MARK2: variants seen among roughly 807,000 people sequenced by gnomAD.
The protein encoded by MARK2 is serine/threonine-protein kinase MARK2.
Under a neutral mutation model 89.8 loss-of-function variants are expected in MARK2, and 16 were observed. The observed-to-expected ratio is 0.18, with a 90% CI of 0.12 to 0.27. The LOEUF is 0.27. MARK2 is among the 10% of genes least tolerant of loss of function. The pLI is 1.00. For missense variants in MARK2, 621 were observed against 1,049.9 expected (o/e 0.59, Z 5.65); for synonymous variants, 382 against 399.5 (o/e 0.96, Z 0.52).
Position 63,903,939 on chromosome 11 carries a change from C to T in MARK2, c.1515-47C>T. 1.3e-6 allele frequency: 2 copies of T among 1,522,886 alleles called. No homozygotes were observed. 94.3% of individuals were successfully genotyped at this position (1,522,886 alleles called of 1,614,324 possible). ...TTGCTTCCTAATCCAGGCCTCCCGCCCTCACTCACCCCTAACACGGGCCTC... is the reference window on the plus strand; with the variant it reads ...TTGCTTCCTAATCCAGGCCTCCCGCTCTCACTCACCCCTAACACGGGCCTC... On this transcript the variant is annotated intron_variant, in intron 14 of 18. Transcript: ENST00000402010. This position sits in a 1 kb window ranked among gnomAD's most constrained non-coding sequence, Gnocchi z 5.1.
At chr11:63,868,945 C>T (rs1193250716) in intron 1 of MARK2, 1 of 450,294 alleles carries the variant, frequency 2.2e-6, no homozygotes, top group Admixed American at 2.4e-5. Context: ...CATCTCAGAG[C>T]AGATCAGTCG....
rs1048775317 is a variant in MARK2, at chr11:63,910,051, TAGA to T, written c.*817_*819del. On this transcript the variant is annotated 3_prime_UTR_variant, in exon 19 of 19. Coordinates refer to ENST00000402010, the MANE Select transcript of MARK2 (RefSeq NM_001039469.3). Reference sequence around the variant, plus strand: ...GCCATCTTCTCCCACCCCTCCCGGGTAGAAGGAGGGGCTGACCCCAGGGCTGGG... The same window carrying T: ...GCCATCTTCTCCCACCCCTCCCGGGTAGGAGGGGCTGACCCCAGGGCTGGG... 1.3e-5 allele frequency: 2 copies of T among 152,006 alleles called. No homozygotes were observed. Among genetic ancestry groups the T allele is most frequent in the African/African-American group, 4.8e-5 (2 of 41,306 alleles). 9.4% of individuals were successfully genotyped at this position (152,006 alleles called of 1,614,324 possible).
intron 1 of MARK2, among the ~76,000 whole-genome samples, chr11:63,878,669 C>T (rs1448895446): frequency 1.3e-5 from 2 of 151,994 alleles, no homozygotes; most frequent in Non-Finnish European, 2.9e-5. Context: ...GCACCTGGCT[C>T]AAGTCTTCTT....
chr11:63,905,101 G>A (rs576828099), intron 16 of MARK2, 58 bp downstream of exon 16: 4 of 1,546,648 alleles, frequency 2.6e-6, no homozygotes, highest in South Asian at 2.4e-5. Context: ...TGCTTTACTC[G>A]GGGTGGGTTG....
intron 1 of MARK2, among the ~76,000 whole-genome samples, chr11:63,841,865 T>C (rs2016037052): frequency 6.6e-6 from 1 of 152,236 alleles, no homozygotes; most frequent in Admixed American, 6.5e-5. Context: ...CTTTCTTCCT[T>C]ACATGCCTAG....
At chr11:63,840,757 C>G (rs1479245587) in intron 1 of MARK2, among the ~76,000 whole-genome samples, 1 of 152,172 alleles carries the variant, frequency 6.6e-6, no homozygotes, top group Non-Finnish European at 1.5e-5. Context: ...CATTCTGTTC[C>G]TATTGGCTAA....
chr11:63,889,323 A>G (rs1042530538), intron 1 of MARK2, among the ~76,000 whole-genome samples: 1 of 152,164 alleles, frequency 6.6e-6, no homozygotes, highest in African/African-American at 2.4e-5. Flanking sequence ...CCCCAACTCT[A>G]TAGTGCCTGG....
chr11:63,890,733 T>C (rs1205710162), intron 1 of MARK2, among the ~76,000 whole-genome samples: 2 of 152,274 alleles, frequency 1.3e-5, no homozygotes, highest in Non-Finnish European at 2.9e-5. Flanking sequence ...GACTTCTGGA[T>C]TGGCAGACAG....
Position 63,894,730 on chromosome 11 carries a change from G to A in MARK2, c.55-429G>A, listed in dbSNP as rs1287663758. Among the ~76,000 whole-genome samples the A allele has an allele frequency of 1.1e-3, 160 of 152,282 alleles. 1 individual carries two copies. The highest frequency in any genetic ancestry group is 8.8e-5 in the Non-Finnish European group (6 of 68,008). ...AAATAAATAAAAAATAAAGGTTCAT[G>A]TAAGTTTTGGGTGGCGATGAGGGCG... On this transcript the variant is annotated intron_variant, in intron 1 of 18. Coordinates refer to ENST00000402010, the MANE Select transcript of MARK2 (RefSeq NM_001039469.3).
At chr11:63,878,220 G>T (rs914742995) in intron 1 of MARK2, among the ~76,000 whole-genome samples, 3 of 152,052 alleles carry the variant, frequency 2.0e-5, no homozygotes, top group African/African-American at 4.8e-5. Flanking sequence ...CTCTTCTTTT[G>T]TGTAAGGCAG....
intron 3 of MARK2, among the ~76,000 whole-genome samples, chr11:63,897,040 T>G (rs1023642293): frequency 3.3e-5 from 5 of 152,244 alleles, no homozygotes; most frequent in African/African-American, 1.2e-4. Context: ...GCCAGTCTGA[T>G]TCTGGCCAAA....
At chr11:63,843,965 G>A (rs1478914155) in intron 1 of MARK2, among the ~76,000 whole-genome samples, 1 of 152,250 alleles carries the variant, frequency 6.6e-6, no homozygotes, top group South Asian at 2.1e-4. Flanking sequence ...GCAGCAGTGT[G>A]CCCTGGTGCT....
chr11:63,879,945 G>A (rs1043142942), intron 1 of MARK2, among the ~76,000 whole-genome samples: 4 of 152,136 alleles, frequency 2.6e-5, no homozygotes, highest in Non-Finnish European at 4.4e-5. Context: ...CATATGTCTT[G>A]TTCTGCACTT....
chr11:63,866,855 A>T (rs1164639460), intron 1 of MARK2, among the ~76,000 whole-genome samples: 1 of 151,936 alleles, frequency 6.6e-6, no homozygotes, highest in African/African-American at 2.4e-5. Flanking sequence ...CTTAATCTTT[A>T]CCCCCCAGGC....
intron 1 of MARK2, among the ~76,000 whole-genome samples, chr11:63,872,887 GCCCCCACCCCCA>G (rs1369661730): frequency 3.0e-4 from 20 of 66,874 alleles, no homozygotes; most frequent in African/African-American, 1.0e-3. Context: ...ACTTCTCCCT[GCCCCCACCCCCA>G]CCCCCACCCC....
chr11:63,854,301 G>A (rs1231060452), intron 1 of MARK2, among the ~76,000 whole-genome samples: 1 of 150,660 alleles, frequency 6.6e-6, no homozygotes, highest in Non-Finnish European at 1.5e-5. Flanking sequence ...CCGGGTTCAA[G>A]TGATTTTCTC....
intron 1 of MARK2, among the ~76,000 whole-genome samples, chr11:63,860,440 T>C (rs1937687556): frequency 6.7e-6 from 1 of 150,064 alleles, no homozygotes; most frequent in Admixed American, 6.7e-5. Flanking sequence ...TAGTCCCAGC[T>C]ACTTGGGAGG....
In MARK2 at chr11:63,910,661, T is replaced by A. The variant is rs943891537; in HGVS notation, c.*1424T>A. 14 of 150,822 alleles carry A rather than the reference T, an allele frequency of 9.3e-5. No individual in the cohort carries two copies. The highest frequency in any genetic ancestry group is 2.1e-4 in the South Asian group (1 of 4,806). 9.3% of individuals were successfully genotyped at this position (150,822 alleles called of 1,614,324 possible). ...TTTATTATTTTATTTTATTTTTTTT[T>A]TTTTTGATTTATGATGACTCCACCC... On this transcript the variant is annotated 3_prime_UTR_variant, in exon 19 of 19. Transcript: ENST00000402010.
chr11:63,898,407 C>A, intron 4 of MARK2, 127 bp downstream of exon 4: 1 of 1,031,602 alleles, frequency 9.7e-7, no homozygotes, highest in Non-Finnish European at 1.5e-6. Context: ...CCTGGGGAAG[C>A]TCAGCTCAAA....
Sources: allele counts gnomAD v4.1 joint callset (sites outside exome capture counted in the v4.1 genomes callset), GRCh38; gene constraint gnomAD v4.1.1; non-coding constraint Gnocchi (gnomAD v3.1); transcripts MANE v1.5; gene names NCBI Gene and HGNC (gene_info 2026-07-23, HGNC 2026-07-21).